MPHOSPH8: variants seen among roughly 807,000 people sequenced by gnomAD.
MPHOSPH8 encodes the protein M-phase phosphoprotein 8, also known as M-phase phosphoprotein, mpp.
In MPHOSPH8, 45 loss-of-function variants were observed where a neutral mutation model predicts 87.3. The observed-to-expected ratio is 0.52, with a 90% CI of 0.41 to 0.66. The LOEUF is 0.66. Among genes scored for constraint, MPHOSPH8 ranks in the 30% least tolerant of loss-of-function variants. MPHOSPH8 has a pLI of 0.00. For missense variants in MPHOSPH8, 883 were observed against 1,020.2 expected (o/e 0.87, Z 1.83); for synonymous variants, 366 against 376.9 (o/e 0.97, Z 0.33).
intron 2 of MPHOSPH8, 58 bp downstream of exon 2, chr13:19,642,328 C>T: frequency 4.4e-6 from 6 of 1,375,210 alleles, no homozygotes; most frequent in Non-Finnish European, 5.9e-6. Flanking sequence ...TAAATTTTAA[C>T]TCTCAAAGTA....
At chr13:19,671,173 A>G in intron 12 of MPHOSPH8, 33 bp from the exon 13 acceptor site, 1 of 1,606,466 alleles carries the variant, frequency 6.2e-7, no homozygotes, top group Non-Finnish European at 8.5e-7. Flanking sequence ...TAAGTTTGAA[A>G]ACACTGACTT....
At chr13:19,665,256 A>G (rs1875749701) in intron 9 of MPHOSPH8, among the ~76,000 whole-genome samples, 1 of 152,212 alleles carries the variant, frequency 6.6e-6, no homozygotes, top group Admixed American at 6.5e-5. Flanking sequence ...GAAAAGCTGT[A>G]TTTTAATTGC....
intron 3 of MPHOSPH8, among the ~76,000 whole-genome samples, chr13:19,647,552 G>T (rs1331483009): frequency 1.3e-5 from 2 of 152,148 alleles, no homozygotes; most frequent in Non-Finnish European, 1.5e-5. Flanking sequence ...ATGATATATG[G>T]AGCATTGTAT....
Position 19,635,491 on chromosome 13 carries a change from G to C in MPHOSPH8, c.213+1530G>C, listed in dbSNP as rs534843869. Among the ~76,000 whole-genome samples, 3 of 152,276 alleles carry C rather than the reference G, an allele frequency of 2.0e-5. No homozygotes were observed. In the South Asian group the frequency reaches 6.2e-4, roughly 32 times the overall value. On this transcript the variant is annotated intron_variant, in intron 1 of 13. Coordinates refer to ENST00000361479, the MANE Select transcript of MPHOSPH8 (RefSeq NM_017520.4). Reference sequence around the variant, plus strand: ...TGCAGTAAAACAAGATTGCGCCACTGCCCTCCAGCCTGGGCGACAGAGGGA... The same window carrying C: ...TGCAGTAAAACAAGATTGCGCCACTCCCCTCCAGCCTGGGCGACAGAGGGA...
Position 19,642,281 on chromosome 13 carries a change from T to G in MPHOSPH8, c.369+11T>G, listed in dbSNP as rs777615370. ...AGGAAGGATATTCAGGTACTATGTT[T>G]TGTCTCATATTTGTTTTTACATACA... On this transcript the variant is annotated intron_variant, in intron 2 of 13. Coordinates refer to ENST00000361479, the MANE Select transcript of MPHOSPH8 (RefSeq NM_017520.4). The G allele has an allele frequency of 6.4e-7, 1 of 1,569,962 alleles. No individual in the cohort carries two copies. Among genetic ancestry groups the G allele is most frequent in the Admixed American group, 2.1e-5 (1 of 47,768 alleles).
intron 7 of MPHOSPH8, 27 bp from the exon 8 acceptor site, chr13:19,661,671 C>T (rs773790185): frequency 6.4e-6 from 10 of 1,565,278 alleles, no homozygotes; most frequent in Admixed American, 3.7e-5. Flanking sequence ...AAGATTAACA[C>T]GTTTTTTATT....
chr13:19,669,603 G>A (rs1304978821), intron 11 of MPHOSPH8, among the ~76,000 whole-genome samples: 2 of 151,618 alleles, frequency 1.3e-5, no homozygotes, highest in Non-Finnish European at 2.9e-5. Context: ...CCGCCTCCTG[G>A]GTTCAAGCAA....
At chr13:19,666,197 A>C (rs1565943536) in intron 9 of MPHOSPH8, among the ~76,000 whole-genome samples, 1 of 152,338 alleles carries the variant, frequency 6.6e-6, no homozygotes, top group Middle Eastern at 3.4e-3. Context: ...TGAATGTAGC[A>C]CACAGATTTT....
chr13:19,659,147 C>T (rs1875367980), intron 6 of MPHOSPH8, 27 bp downstream of exon 6: 1 of 1,611,282 alleles, frequency 6.2e-7, no homozygotes. Context: ...ATATTGAAAT[C>T]CCTTTCACAA....
intron 12 of MPHOSPH8, chr13:19,670,888 C>A: frequency 9.7e-7 from 1 of 1,028,568 alleles, no homozygotes; most frequent in Non-Finnish European, 1.3e-6. Flanking sequence ...GCGCGGATTA[C>A]AGCTCACTGG....
chr13:19,671,054 C>T, intron 12 of MPHOSPH8, 152 bp from the exon 13 acceptor site: 1 of 1,435,308 alleles, frequency 7.0e-7, no homozygotes, highest in Non-Finnish European at 9.1e-7. Flanking sequence ...CTTCTGGGCT[C>T]AAGCGATTGT....
intron 10 of MPHOSPH8, among the ~76,000 whole-genome samples, chr13:19,667,730 CTAGTT>C (rs1875893373): frequency 6.6e-6 from 1 of 152,186 alleles, no homozygotes; most frequent in Admixed American, 6.5e-5. Context: ...TCAAGATTTA[CTAGTT>C]TATTCAAGTT....
At chr13:19,636,981 A>G (rs1258675424) in intron 1 of MPHOSPH8, among the ~76,000 whole-genome samples, 1 of 152,120 alleles carries the variant, frequency 6.6e-6, no homozygotes, top group East Asian at 1.9e-4. Context: ...AACCCTGGAC[A>G]ATTTTTTGGA....
intron 1 of MPHOSPH8, among the ~76,000 whole-genome samples, chr13:19,636,357 A>G (rs542450230): frequency 1.1e-4 from 16 of 152,346 alleles, no homozygotes; most frequent in African/African-American, 3.6e-4. Flanking sequence ...GATTCTAACT[A>G]TATGTATGAA....
At chr13:19,663,704 G>A (rs1875672355) in intron 9 of MPHOSPH8, among the ~76,000 whole-genome samples, 5 of 152,202 alleles carry the variant, frequency 3.3e-5, no homozygotes, top group African/African-American at 1.2e-4. Flanking sequence ...TGTGGCAGTT[G>A]TGGGTTCCTG....
rs1009546559 is a variant in MPHOSPH8 at position 19,673,200 on chromosome 13, A to T, written c.*1325A>T. ...CAAACCTGGCTGTCAGCTGTGTGGG[A>T]GCCACCACCCTCTCTGGGAAGAGTT... On this transcript the variant is annotated 3_prime_UTR_variant, in exon 14 of 14. Coordinates refer to ENST00000361479, the MANE Select transcript of MPHOSPH8 (RefSeq NM_017520.4). 9.2e-6 allele frequency: 4 copies of T among 436,982 alleles called. No homozygotes were observed. The highest frequency in any genetic ancestry group is 2.1e-5 in the African/African-American group (1 of 47,830). The allele number at this position is 436,982 out of a possible 1,614,324, so 27.1% of individuals were successfully genotyped here.
chr13:19,670,170 G>A lies in MPHOSPH8; in HGVS notation c.2330-66G>A, dbSNP rs904348942. 16 of 1,592,116 alleles carry A rather than the reference G, an allele frequency of 1.0e-5. No homozygotes were observed. In the Admixed American group the frequency reaches 2.0e-4, roughly 20 times the overall value. Reference sequence around the variant, plus strand: ...GCTCAGGGGCCTGCTTCCATCTGGTGTTGAGTGTTCCTCTGGGGACTGAAG... The same window carrying A: ...GCTCAGGGGCCTGCTTCCATCTGGTATTGAGTGTTCCTCTGGGGACTGAAG... On this transcript the variant is annotated intron_variant, in intron 11 of 13. Transcript: ENST00000361479.
In MPHOSPH8 at chr13:19,647,174, C is replaced by T. The variant is rs1874613624; in HGVS notation, c.1101C>T (p.Asp367=). 1 of 1,614,132 alleles carries T rather than the reference C, an allele frequency of 6.2e-7. No individual in the cohort carries two copies. The highest frequency in any genetic ancestry group is 8.5e-7 in the Non-Finnish European group (1 of 1,180,038). The change falls in exon 3 of 14, where the codon GAC becomes GAT. Residue 367 remains aspartate (D), a synonymous_variant. Coordinates refer to ENST00000361479, the MANE Select transcript of MPHOSPH8 (RefSeq NM_017520.4). ...TGCCTAAAAAGCAGAGGAATCAAGA[C>T]AGAAGCAAAAGTGCTGCAGAGTTAG... ...KTVPKKQRNQ[D]RSKSAAELEK...
intron 9 of MPHOSPH8, among the ~76,000 whole-genome samples, chr13:19,665,229 T>A (rs1488929460): frequency 6.6e-6 from 1 of 152,208 alleles, no homozygotes; most frequent in Non-Finnish European, 1.5e-5. Context: ...ATGAGGTTTA[T>A]TTAAGTGTTT....
Sources: allele counts gnomAD v4.1 joint callset (sites outside exome capture counted in the v4.1 genomes callset), GRCh38; gene constraint gnomAD v4.1.1; transcripts MANE v1.5; gene names NCBI Gene and HGNC (gene_info 2026-07-23, HGNC 2026-07-21).